The following CNGB3 variants were observed in gnomAD, a reference collection of about 807,000 sequenced individuals.
CNGB3 encodes the protein cyclic nucleotide gated channel subunit beta 3, also known as cyclic nucleotide-gated channel beta-3.
Under a neutral mutation model 92.8 loss-of-function variants are expected in CNGB3, and 86 were observed. The observed-to-expected ratio is 0.93, with a 90% confidence interval of 0.78 to 1.11. CNGB3 has a LOEUF of 1.11. CNGB3 is among the 50% of genes least tolerant of loss of function. CNGB3 has a pLI of 0.00. For synonymous variants in CNGB3, 333 were observed against 332.7 expected (o/e 1.00, Z -0.01); for missense variants, 1,026 against 956.8 (o/e 1.07, Z -0.95).
At chr8:86,716,807 A>C (rs767490680) in intron 3 of CNGB3, among the ~76,000 whole-genome samples, 11 of 152,200 alleles carry the variant, frequency 7.2e-5, no homozygotes, top group Admixed American at 2.0e-4. Context: ...TAACAATAAC[A>C]ATAAAAAAGC....
chr8:86,626,269 TTA>T (rs1415143922), intron 12 of CNGB3, among the ~76,000 whole-genome samples, 189 bp from the exon 13 acceptor site: 59 of 152,348 alleles, frequency 3.9e-4, no homozygotes, highest in Admixed American at 1.8e-3. Context: ...AATAACACTA[TTA>T]TGCTTATGCA....
intron 3 of CNGB3, among the ~76,000 whole-genome samples, chr8:86,683,012 T>C (rs1254880610): frequency 6.6e-6 from 1 of 152,152 alleles, no homozygotes. Flanking sequence ...CTGGGAAAAT[T>C]CTTGGGCAGA....
intron 3 of CNGB3, among the ~76,000 whole-genome samples, chr8:86,674,016 T>C (rs1823916758): frequency 6.6e-6 from 1 of 152,208 alleles, no homozygotes; most frequent in South Asian, 2.1e-4. Context: ...CTCCATAAGA[T>C]CAGCACAACG....
At chr8:86,606,769 G>A (rs928191252) in intron 14 of CNGB3, among the ~76,000 whole-genome samples, 3 of 152,122 alleles carry the variant, frequency 2.0e-5, no homozygotes, top group African/African-American at 7.2e-5. Flanking sequence ...TGGCAGTCGA[G>A]GTTTAAAAAA....
At chr8:86,713,210 G>C (rs906766829) in intron 3 of CNGB3, among the ~76,000 whole-genome samples, 1 of 152,102 alleles carries the variant, frequency 6.6e-6, no homozygotes, top group Non-Finnish European at 1.5e-5. Context: ...AGTGGTTAGA[G>C]AATATATTCA....
At chr8:86,634,714 C>T (rs1055545277) in intron 10 of CNGB3, among the ~76,000 whole-genome samples, 4 of 151,206 alleles carry the variant, frequency 2.6e-5, no homozygotes, top group Admixed American at 6.6e-5. Context: ...CTGCCCTAGT[C>T]GAGCTTTTAT....
At chr8:86,648,727 T>C (rs1036734209) in intron 7 of CNGB3, among the ~76,000 whole-genome samples, 1 of 151,222 alleles carries the variant, frequency 6.6e-6, no homozygotes, top group South Asian at 2.1e-4. Context: ...TAAGACATTT[T>C]AAGACAATTA....
At chr8:86,616,009 C>A (rs1391101986) in intron 13 of CNGB3, among the ~76,000 whole-genome samples, 1 of 152,140 alleles carries the variant, frequency 6.6e-6, no homozygotes, top group African/African-American at 2.4e-5. Flanking sequence ...CAGATAGCAG[C>A]AGTGAAGGAA....
intron 6 of CNGB3, chr8:86,659,517 C>T: frequency 1.7e-6 from 1 of 606,034 alleles, no homozygotes. Context: ...CATATAACTC[C>T]AGCCTGAGGG....
chr8:86,676,281 C>T (rs1823966971), intron 3 of CNGB3, among the ~76,000 whole-genome samples: 1 of 152,030 alleles, frequency 6.6e-6, no homozygotes, highest in Non-Finnish European at 1.5e-5. Flanking sequence ...GGTGAGTTTA[C>T]AGCAGAGGTG....
intron 6 of CNGB3, chr8:86,661,357 G>A (rs910536369): frequency 5.0e-6 from 2 of 396,902 alleles, no homozygotes; most frequent in Non-Finnish European, 1.0e-5. Flanking sequence ...CTTTGCTTTT[G>A]CCAGAAGATA....
intron 14 of CNGB3, among the ~76,000 whole-genome samples, chr8:86,610,739 C>G (rs1262886876): frequency 6.6e-6 from 1 of 152,158 alleles, no homozygotes; most frequent in African/African-American, 2.4e-5. Context: ...TTGGTTGAGT[C>G]TGTCATGATA....
At chr8:86,605,904 G>A (rs1822402773) in intron 14 of CNGB3, among the ~76,000 whole-genome samples, 1 of 152,158 alleles carries the variant, frequency 6.6e-6, no homozygotes, top group Non-Finnish European at 1.5e-5. Flanking sequence ...CCAGGAAGCT[G>A]AAATTCTTAT....
chr8:86,641,580 C>G (rs1423101511), intron 10 of CNGB3, among the ~76,000 whole-genome samples: 1 of 151,812 alleles, frequency 6.6e-6, no homozygotes, highest in Non-Finnish European at 1.5e-5. Context: ...AACTGCCACT[C>G]CTTATCTTTG....
chr8:86,618,163 C>T (rs1169042095), intron 13 of CNGB3, among the ~76,000 whole-genome samples: 1 of 152,188 alleles, frequency 6.6e-6, no homozygotes, highest in Non-Finnish European at 1.5e-5. Flanking sequence ...GGAGGCGGAG[C>T]TTGGGTGGTA....
At position 86,654,005 on chromosome 8, in the gene CNGB3, C is replaced by T. The variant is rs1332416076; in HGVS notation, c.903+7G>A. 1.3e-6 allele frequency: 2 copies of T among 1,576,078 alleles called. No homozygotes were observed. The highest frequency in any genetic ancestry group is 8.7e-7 in the Non-Finnish European group (1 of 1,145,696). ...CGTGAGCAACTTTGAAATTGTTTGT[C>T]ACCTACCTGAAATTTTGTAGAAGTC... On this transcript the variant is annotated splice_region_variant and intron_variant, in intron 7 of 17. Coordinates refer to ENST00000320005, the MANE Select transcript of CNGB3 (RefSeq NM_019098.5).
At chr8:86,621,653 T>A (rs576773254) in intron 13 of CNGB3, among the ~76,000 whole-genome samples, 1 of 152,244 alleles carries the variant, frequency 6.6e-6, no homozygotes, top group East Asian at 1.9e-4. Flanking sequence ...CCCTTCTCCC[T>A]GAGTCTCCAA....
intron 3 of CNGB3, among the ~76,000 whole-genome samples, chr8:86,694,860 C>T (rs537833369): frequency 3.3e-5 from 5 of 151,702 alleles, no homozygotes; most frequent in African/African-American, 7.3e-5. Context: ...AGACGATGGG[C>T]GGCCAGGCAG....
chr8:86,693,489 G>T (rs562625526), intron 3 of CNGB3, among the ~76,000 whole-genome samples: 69 of 146,870 alleles, frequency 4.7e-4, no homozygotes, highest in African/African-American at 1.6e-3. Context: ...GGTGTTTCTC[G>T]CAGAGGGGGA....
Sources: gnomAD v4.1 joint callset for allele counts (sites outside exome capture counted in the v4.1 genomes callset) on GRCh38, gnomAD v4.1.1 for gene constraint, MANE v1.5 for transcripts, NCBI Gene and HGNC (gene_info 2026-07-23, HGNC 2026-07-21) for gene names.